Variants in CAPN9 observed in about 807,000 individuals in gnomAD.
The protein encoded by CAPN9 is calpain 9.
Under a neutral mutation model 92.8 loss-of-function variants are expected in CAPN9, and 81 were observed. The observed-to-expected ratio is 0.87, with a 90% CI of 0.73 to 1.05. The LOEUF is 1.05. Ranked by LOEUF, CAPN9 falls within the 50% of genes least tolerant of loss-of-function variation. The pLI is 0.00. For missense variants in CAPN9, 848 were observed against 866.2 expected (o/e 0.98, Z 0.26); for synonymous variants, 304 against 328.0 (o/e 0.93, Z 0.79).
At chr1:230,749,283 T>A (rs1471881298) in intron 1 of CAPN9, among the ~76,000 whole-genome samples, 1 of 152,150 alleles carries the variant, frequency 6.6e-6, no homozygotes, top group African/African-American at 2.4e-5. Context: ...TCACGTGGGG[T>A]TGCACTTTAC....
rs535044464 is a variant in CAPN9, at chr1:230,768,848, G to A, written c.706-332G>A. 3.9e-5 allele frequency among the ~76,000 whole-genome samples: 6 copies of A among 152,134 alleles called. 1 individual carries two copies. In the South Asian group the frequency reaches 6.2e-4, roughly 16 times the overall value. On this transcript the variant is annotated intron_variant, in intron 5 of 19. Transcript: ENST00000271971. The stretch of plus-strand genomic sequence containing the variant: ...GTCCTGTTGTTATATTCTTCTTTTC[G>A]TCTCTGGGATGTATGTGATTGTGTC...
At chr1:230,763,012 T>C (rs1665743527) in intron 4 of CAPN9, among the ~76,000 whole-genome samples, 1 of 152,040 alleles carries the variant, frequency 6.6e-6, no homozygotes, top group East Asian at 1.9e-4. Context: ...TGACCCTTTT[T>C]CTCCCTGGGC....
At chr1:230,772,142 T>G (rs1392585407) in intron 7 of CAPN9, 43 bp downstream of exon 7, 15 of 1,541,014 alleles carry the variant, frequency 9.7e-6, no homozygotes, top group Non-Finnish European at 1.3e-5. Flanking sequence ...TCCCGGGGCG[T>G]GTGGGGCCAG....
chr1:230,772,458 C>T (rs1461621343), intron 7 of CAPN9, among the ~76,000 whole-genome samples: 3 of 150,760 alleles, frequency 2.0e-5, no homozygotes, highest in Non-Finnish European at 4.4e-5. Context: ...TGCATAAGTG[C>T]GTGTGTGTTT....
intron 7 of CAPN9, 147 bp from the exon 8 acceptor site, chr1:230,774,407 C>T (rs947141451): frequency 2.3e-5 from 15 of 641,584 alleles, no homozygotes; most frequent in Non-Finnish European, 4.0e-5. Flanking sequence ...CCTGCCGCTA[C>T]ATCCCTGGGT....
chr1:230,762,809 C>G (rs772248549), intron 4 of CAPN9, 23 bp downstream of exon 4: 1 of 1,610,956 alleles, frequency 6.2e-7, no homozygotes, highest in Non-Finnish European at 8.5e-7. Context: ...TTCCCCAGCT[C>G]AGGCAGCCTC....
chr1:230,790,260 T>G, intron 14 of CAPN9, 71 bp downstream of exon 14: 1 of 1,571,602 alleles, frequency 6.4e-7, no homozygotes, highest in Middle Eastern at 1.7e-4. Context: ...CTGGGTCCCC[T>G]CCCTGCTCCT....
chr1:230,780,136 GT>G lies in CAPN9; in HGVS notation c.1115-37del, dbSNP rs199735820. 2 of 1,378,694 alleles carry G rather than the reference GT, an allele frequency of 1.5e-6. 1 individual carries two copies. The highest frequency in any genetic ancestry group is 2.5e-5 in the South Asian group (2 of 81,438). 85.4% of individuals were successfully genotyped at this position (1,378,694 alleles called of 1,614,324 possible). ...TGTGTGTGTGTGGTCTTTGTGGGTT[GT>G]TTTTTAAAAGGGGAAAATAATCTAC... On this transcript the variant is annotated intron_variant, in intron 9 of 19. Coordinates refer to ENST00000271971, the MANE Select transcript of CAPN9 (RefSeq NM_006615.3).
At chr1:230,795,800 G>A (rs1230685350) in intron 18 of CAPN9, among the ~76,000 whole-genome samples, 1 of 152,128 alleles carries the variant, frequency 6.6e-6, no homozygotes, top group Non-Finnish European at 1.5e-5. Flanking sequence ...AGTGAAGCAT[G>A]TCCAGGGCCT....
intron 5 of CAPN9, 132 bp from the exon 6 acceptor site, chr1:230,769,048 G>A: frequency 4.3e-6 from 3 of 702,230 alleles, no homozygotes; most frequent in South Asian, 3.5e-5. Flanking sequence ...CATAGCCCAC[G>A]CACATGGCCT....
intron 18 of CAPN9, among the ~76,000 whole-genome samples, chr1:230,797,069 A>G (rs928248495): frequency 6.6e-6 from 1 of 152,192 alleles, no homozygotes; most frequent in African/African-American, 2.4e-5. Flanking sequence ...TTCGCTGTAC[A>G]TTACAATCTC....
chr1:230,798,266 AG>A, intron 19 of CAPN9, 46 bp downstream of exon 19: 3 of 1,285,856 alleles, frequency 2.3e-6, no homozygotes, highest in Middle Eastern at 3.7e-4. Flanking sequence ...GCTGGGGCCC[AG>A]CAGAGTCCAC....
chr1:230,785,235 A>G (rs12724480), intron 11 of CAPN9, among the ~76,000 whole-genome samples: 55,541 of 152,096 alleles, frequency 0.37, 10,750 homozygotes, highest in African/African-American at 0.48. Context: ...CTTATCTCAG[A>G]TGAGACTTTG....
intron 1 of CAPN9, among the ~76,000 whole-genome samples, chr1:230,751,332 A>T (rs1273263370): frequency 2.6e-5 from 4 of 152,120 alleles, no homozygotes; most frequent in Non-Finnish European, 5.9e-5. Flanking sequence ...TATGAACAGC[A>T]GCGTCTGGCA....
At chr1:230,795,074 C>T in intron 17 of CAPN9, 89 bp from the exon 18 acceptor site, 4 of 809,098 alleles carry the variant, frequency 4.9e-6, no homozygotes, top group Middle Eastern at 3.6e-4. Context: ...GAGCCCTCTC[C>T]TCAGCTGCCT....
chr1:230,786,241 A>T (rs988815307), intron 12 of CAPN9: 3 of 853,968 alleles, frequency 3.5e-6, no homozygotes, highest in Non-Finnish European at 4.2e-6. Flanking sequence ...GGTGCTTGGT[A>T]TAAAGTTCTG....
At chr1:230,771,450 C>T (rs561919056) in intron 6 of CAPN9, among the ~76,000 whole-genome samples, 1 of 152,384 alleles carries the variant, frequency 6.6e-6, no homozygotes, top group Non-Finnish European at 1.5e-5. Flanking sequence ...TCCTCACAGA[C>T]ACCTGAAATA....
intron 14 of CAPN9, chr1:230,790,432 C>T (rs377388630): frequency 2.1e-5 from 9 of 435,920 alleles, no homozygotes; most frequent in African/African-American, 1.9e-4. Context: ...ATGATCTCAC[C>T]ACCATAAATA....
At chr1:230,771,832 AG>A (rs1666404824) in intron 6 of CAPN9, among the ~76,000 whole-genome samples, 181 bp from the exon 7 acceptor site, 1 of 152,272 alleles carries the variant, frequency 6.6e-6, no homozygotes, top group African/African-American at 2.4e-5. Flanking sequence ...AGGAATTAGA[AG>A]GTTCCAAGGG....
Sources: allele counts gnomAD v4.1 joint callset (sites outside exome capture counted in the v4.1 genomes callset), GRCh38; gene constraint gnomAD v4.1.1; transcripts MANE v1.5; gene names NCBI Gene and HGNC (gene_info 2026-07-23, HGNC 2026-07-21).